Variants in SLC1A2 observed in about 807,000 individuals in gnomAD.
SLC1A2 encodes excitatory amino acid transporter 2.
Under a neutral mutation model 48.8 loss-of-function variants are expected in SLC1A2, and 15 were observed. The ratio of observed to expected loss-of-function variants is 0.31; its 90% CI spans 0.21 to 0.47. SLC1A2 has a LOEUF of 0.47. Ranked by LOEUF, SLC1A2 falls within the 20% of genes least tolerant of loss-of-function variation. SLC1A2 has a pLI of 0.99. For synonymous variants in SLC1A2, 279 were observed against 272.6 expected, an observed-to-expected ratio of 1.02 and a Z score of -0.23; for missense variants, 502 against 730.5, an observed-to-expected ratio of 0.69 and a Z score of 3.61.
At chr11:35,328,272 C>T (rs1185314397) in intron 1 of SLC1A2, among the ~76,000 whole-genome samples, 1 of 152,176 alleles carries the variant, frequency 6.6e-6, no homozygotes, top group Non-Finnish European at 1.5e-5. Flanking sequence ...CACTCCAACT[C>T]TGGTTCTTCA....
intron 4 of SLC1A2, among the ~76,000 whole-genome samples, chr11:35,307,472 A>G (rs529221388): frequency 1.3e-5 from 2 of 152,362 alleles, no homozygotes; most frequent in Admixed American, 1.3e-4. Context: ...GGCACCCTAC[A>G]TGCAGAGTGC....
intron 5 of SLC1A2, among the ~76,000 whole-genome samples, chr11:35,303,871 C>T (rs1288354840): frequency 6.6e-6 from 1 of 151,954 alleles, no homozygotes; most frequent in Non-Finnish European, 1.5e-5. Context: ...GCTTAATCCT[C>T]GGGACTTTCC....
intron 10 of SLC1A2, among the ~76,000 whole-genome samples, chr11:35,263,692 AT>A (rs538775818): frequency 6.6e-6 from 1 of 152,056 alleles, no homozygotes; most frequent in African/African-American, 2.4e-5. Context: ...AAAAATTGTG[AT>A]TTTTTTGTTT....
chr11:35,411,389 T>G (rs1294085715), intron 1 of SLC1A2, among the ~76,000 whole-genome samples: 1 of 152,266 alleles, frequency 6.6e-6, no homozygotes. Context: ...GTTTTGTTCA[T>G]GTTGATGTCC....
In SLC1A2 at chr11:35,252,135, GA is replaced by G. The variant is rs1250234319; in HGVS notation, c.*8758del. 1 of 152,566 alleles carries G rather than the reference GA, an allele frequency of 6.6e-6. No homozygotes were observed. Among genetic ancestry groups the G allele is most frequent in the African/African-American group, 2.4e-5 (1 of 41,436 alleles). The allele number at this position is 152,566 out of a possible 1,614,324, so 9.5% of individuals were successfully genotyped here. A position where few individuals can be genotyped will look rare whatever the true frequency, so the allele number is the denominator to read the frequency against. ...CTCTAAGTTTTTTACAGAGAACTCT[GA>G]AGTTTATAGCCAGAACTGTGCTTTC... is the stretch of plus-strand genomic sequence containing the variant. On this transcript the variant is annotated 3_prime_UTR_variant, in exon 11 of 11. Coordinates refer to ENST00000278379, the MANE Select transcript of SLC1A2 (RefSeq NM_004171.4).
At chr11:35,417,039 T>C (rs941981518) in intron 1 of SLC1A2, among the ~76,000 whole-genome samples, 13 of 152,364 alleles carry the variant, frequency 8.5e-5, no homozygotes, top group Admixed American at 7.8e-4. Context: ...CTTCTGAGAA[T>C]GTCACCTGCT....
At chr11:35,375,212 T>G (rs1452385798) in intron 1 of SLC1A2, among the ~76,000 whole-genome samples, 4 of 152,244 alleles carry the variant, frequency 2.6e-5, no homozygotes, top group African/African-American at 9.6e-5. Context: ...CCTCATTACA[T>G]TTAATGATAC....
At chr11:35,358,297 C>T (rs1340216447) in intron 1 of SLC1A2, among the ~76,000 whole-genome samples, 2 of 151,882 alleles carry the variant, frequency 1.3e-5, no homozygotes, top group Non-Finnish European at 2.9e-5. Context: ...GATTTTTTTC[C>T]CTTATGCATA....
intron 1 of SLC1A2, among the ~76,000 whole-genome samples, chr11:35,340,356 G>A (rs571199011): frequency 2.0e-5 from 3 of 152,350 alleles, no homozygotes; most frequent in African/African-American, 7.2e-5. Flanking sequence ...GCTGTCCACA[G>A]TCTGGCCTCT....
intron 5 of SLC1A2, 38 bp from the exon 6 acceptor site, chr11:35,301,683 C>G: frequency 6.3e-7 from 1 of 1,599,350 alleles, no homozygotes; most frequent in Non-Finnish European, 8.5e-7. Flanking sequence ...GGACAAATTA[C>G]AAAAAATGTA....
chr11:35,360,186 C>T (rs906475719), intron 1 of SLC1A2: 8 of 566,556 alleles, frequency 1.4e-5, no homozygotes, highest in East Asian at 1.5e-4. Flanking sequence ...ATGACAAAGA[C>T]GTCACAAACT....
chr11:35,337,800 GCC>G (rs2135018586), intron 1 of SLC1A2, among the ~76,000 whole-genome samples: 1 of 152,186 alleles, frequency 6.6e-6, no homozygotes, highest in South Asian at 2.1e-4. Context: ...CCTCTCCCCT[GCC>G]TTCCAGCTCT....
chr11:35,293,634 T>C (rs1315591777), intron 6 of SLC1A2, among the ~76,000 whole-genome samples: 1 of 152,178 alleles, frequency 6.6e-6, no homozygotes, highest in African/African-American at 2.4e-5. Context: ...GCTGCTACCT[T>C]ATTAAAAATT....
chr11:35,373,286 C>T (rs1034955982), intron 1 of SLC1A2, among the ~76,000 whole-genome samples: 2 of 152,212 alleles, frequency 1.3e-5, no homozygotes, highest in Admixed American at 6.5e-5. Flanking sequence ...CTCCTTTCTC[C>T]ATTCAACACC....
intron 4 of SLC1A2, among the ~76,000 whole-genome samples, chr11:35,310,460 C>A (rs536600994): frequency 2.0e-5 from 3 of 152,164 alleles, no homozygotes; most frequent in Non-Finnish European, 4.4e-5. Context: ...ACTTCCCTGG[C>A]GTGGAATGGT....
intron 1 of SLC1A2, among the ~76,000 whole-genome samples, chr11:35,367,813 T>C (rs1373814818): frequency 6.6e-6 from 1 of 152,234 alleles, no homozygotes; most frequent in African/African-American, 2.4e-5. Flanking sequence ...ACTGACTGAT[T>C]CTTTGTACTC....
intron 7 of SLC1A2, among the ~76,000 whole-genome samples, chr11:35,288,323 A>T (rs1440768343): frequency 2.6e-5 from 4 of 152,184 alleles, no homozygotes; most frequent in African/African-American, 9.7e-5. Context: ...TGGGGTAGGA[A>T]GAAGAATTGT....
chr11:35,388,087 G>T (rs1387656519), intron 1 of SLC1A2, among the ~76,000 whole-genome samples: 4 of 152,214 alleles, frequency 2.6e-5, no homozygotes, highest in Non-Finnish European at 5.9e-5. Context: ...ACCCAAGTCT[G>T]CCTGAATCCA....
chr11:35,326,636 T>C (rs548054374), intron 1 of SLC1A2, among the ~76,000 whole-genome samples: 1 of 152,304 alleles, frequency 6.6e-6, no homozygotes, highest in East Asian at 1.9e-4. Flanking sequence ...CAATGTAGCA[T>C]CAATCCCAAG....
Sources: allele counts gnomAD v4.1 joint callset (sites outside exome capture counted in the v4.1 genomes callset), GRCh38; gene constraint gnomAD v4.1.1; transcripts MANE v1.5; gene names NCBI Gene and HGNC (gene_info 2026-07-23, HGNC 2026-07-21).